DMKN: variants seen among roughly 807,000 people sequenced by gnomAD.
DMKN encodes the protein epidermis-specific secreted protein SK30/SK89.
Under a neutral mutation model 67.6 loss-of-function variants are expected in DMKN, and 58 were observed. The ratio of observed to expected loss-of-function variants is 0.86; its 90% CI spans 0.69 to 1.07. DMKN has a LOEUF of 1.07. DMKN is among the 50% of genes least tolerant of loss of function. DMKN has a pLI of 0.00. For synonymous variants in DMKN, 240 were observed against 232.3 expected, an observed-to-expected ratio of 1.03 and a Z score of -0.30; for missense variants, 596 against 601.5, an observed-to-expected ratio of 0.99 and a Z score of 0.10.
chr19:35,511,479 C>CCACTGCTGCT lies in DMKN; in HGVS notation c.849_850insAGCAGCAGTG (p.Gly284SerfsTer19), dbSNP rs776176602. On this transcript the variant is annotated frameshift_variant, in exon 5 of 16. Coordinates refer to ENST00000339686, the MANE Select transcript of DMKN (RefSeq NM_033317.5). LOFTEE classifies it high-confidence loss of function. The stretch of plus-strand genomic sequence containing the variant: ...TTGCCACTGCTGCCACCACTGCTGC[C>CCACTGCTGCT]GCCACTGCTGCCGCCACTGCTGCTG... The CCACTGCTGCT allele has an allele frequency of 0.057, 54,494 of 948,906 alleles. 2,563 individuals are homozygous for CCACTGCTGCT. Among genetic ancestry groups the CCACTGCTGCT allele is most frequent in the East Asian group, 0.31 (6,070 of 19,818 alleles). The allele number at this position is 948,906 out of a possible 1,614,324, so 58.8% of individuals were successfully genotyped here.
intron 3 of DMKN, 112 bp downstream of exon 3, chr19:35,512,308 CT>C (rs2070982395): frequency 2.8e-6 from 4 of 1,420,760 alleles, no homozygotes; most frequent in Non-Finnish European, 3.8e-6. Context: ...CCATCTCTTC[CT>C]CTCACCCCAA....
intron 9 of DMKN, among the ~76,000 whole-genome samples, chr19:35,504,302 T>C (rs935803085): frequency 6.6e-6 from 1 of 152,086 alleles, no homozygotes; most frequent in Non-Finnish European, 1.5e-5. Flanking sequence ...AGAGGCCAGA[T>C]GCAGTGACTC....
chr19:35,512,513 G>T, intron 2 of DMKN, 36 bp from the exon 3 acceptor site: 1 of 1,614,134 alleles, frequency 6.2e-7, no homozygotes, highest in South Asian at 1.1e-5. Flanking sequence ...AGGATCCAGA[G>T]GGACCAGGGA....
chr19:35,503,018 G>A, intron 9 of DMKN, 132 bp from the exon 10 acceptor site: 6 of 1,064,980 alleles, frequency 5.6e-6, no homozygotes, highest in Non-Finnish European at 8.1e-6. Flanking sequence ...GGAGCTGAGA[G>A]TCTTTAGGGA....
At chr19:35,502,478 T>A (rs1292063115) in intron 10 of DMKN, among the ~76,000 whole-genome samples, 2 of 151,814 alleles carry the variant, frequency 1.3e-5, no homozygotes, top group African/African-American at 4.8e-5. Context: ...GGCAGGTGGA[T>A]CACGAGGTCA....
intron 15 of DMKN, chr19:35,497,817 C>G (rs573826844): frequency 6.6e-6 from 1 of 152,664 alleles, no homozygotes; most frequent in African/African-American, 2.4e-5. Context: ...CTATCCCGGT[C>G]CCTGTGCTCC....
intron 13 of DMKN, 181 bp downstream of exon 13, chr19:35,499,777 C>T: frequency 3.3e-6 from 2 of 609,790 alleles, no homozygotes; most frequent in African/African-American, 1.9e-5. Flanking sequence ...TCCTGCCCTC[C>T]ACTTCCAAAC....
In DMKN at chr19:35,512,695, G is replaced by A. The variant is rs140114286; in HGVS notation, c.522C>T (p.His174=). The A allele has an allele frequency of 3.3e-5, 53 of 1,614,080 alleles. No homozygotes were observed. The highest frequency in any genetic ancestry group is 5.5e-5 in the South Asian group (5 of 91,086). ...NPGGLGTPWV[H]GYPGNSAGSF... The stretch of plus-strand genomic sequence containing the variant: ...TGCCTGCTGAGTTTCCGGGGTATCC[G>A]TGGACCCACGGAGTCCCCAGACCTC... The change falls in exon 2 of 16, where the codon CAC becomes CAT. Residue 174 remains histidine (H), a synonymous_variant. Transcript: ENST00000339686.
At chr19:35,500,223 T>C in intron 12 of DMKN, 194 bp from the exon 13 acceptor site, 1 of 1,240,768 alleles carries the variant, frequency 8.1e-7, no homozygotes. Context: ...GCCTTTACTG[T>C]CCTAGCCCAA....
At chr19:35,506,267 T>G in intron 7 of DMKN, 1 of 1,383,100 alleles carries the variant, frequency 7.2e-7, no homozygotes, top group Non-Finnish European at 9.6e-7. Flanking sequence ...CCCGGATTGC[T>G]TCATCCCCAC....
chr19:35,501,414 C>T (rs918644405), intron 11 of DMKN, among the ~76,000 whole-genome samples: 1 of 152,212 alleles, frequency 6.6e-6, no homozygotes, highest in Non-Finnish European at 1.5e-5. Flanking sequence ...CCTGGTTCTT[C>T]GTGAAACATC....
chr19:35,499,921 G>A lies in DMKN; in HGVS notation c.1359+37C>T, dbSNP rs542941258. The A allele has an allele frequency of 5.7e-4, 915 of 1,608,380 alleles. 10 individuals carry two copies. In the South Asian group the frequency reaches 8.9e-3, roughly 16 times the overall value. On this transcript the variant is annotated intron_variant, in intron 13 of 15. Coordinates refer to ENST00000339686, the MANE Select transcript of DMKN (RefSeq NM_033317.5). ...CCTCTCTCCCCATCCCTCATGCAGA[G>A]CCCCCAGCGGGAAGACAGGGTGGTT...
At chr19:35,506,344 G>T in intron 7 of DMKN, 1 of 709,978 alleles carries the variant, frequency 1.4e-6, no homozygotes. Context: ...GCACCAAAAA[G>T]TTCACTTGGG....
Position 35,513,096 on chromosome 19 carries a change from G to A in DMKN, c.380C>T (p.Ala127Val). 2 of 1,614,138 alleles carry A rather than the reference G, an allele frequency of 1.2e-6. No homozygotes were observed. The highest frequency in any genetic ancestry group is 1.7e-6 in the Non-Finnish European group (2 of 1,180,032). ...CACCCCCTGCCAGGAGCCGCGGACAGCATCTGCTCCGTGTCGAATGACATC... is the reference window on the plus strand; with the variant it reads ...CACCCCCTGCCAGGAGCCGCGGACAACATCTGCTCCGTGTCGAATGACATC... ...AEDVIRHGAD[A>V]VRGSWQGVPG... The change falls in exon 1 of 16, where the codon GCT (alanine) becomes GTT (valine). Residue 127 changes from alanine to valine, a missense_variant. Coordinates refer to ENST00000339686, the MANE Select transcript of DMKN (RefSeq NM_033317.5).
At position 35,505,922 on chromosome 19, in the gene DMKN, C is replaced by A. The variant is rs766299027; in HGVS notation, c.1086+17G>T. On this transcript the variant is annotated intron_variant, in intron 8 of 15. Coordinates refer to ENST00000339686, the MANE Select transcript of DMKN (RefSeq NM_033317.5). ...TTTTCCAAATGCGAGTGAACAGAGC[C>A]ATCTCGCAGAACTCACCTTCCAGAA... 1.2e-5 allele frequency: 20 copies of A among 1,614,168 alleles called. No individual in the cohort carries two copies. The African/African-American group carries it at 2.7e-4, about 22-fold the overall frequency.
At chr19:35,510,531 G>A (rs890453077) in intron 5 of DMKN, 24 of 1,539,694 alleles carry the variant, frequency 1.6e-5, no homozygotes, top group Non-Finnish European at 2.0e-5. Flanking sequence ...CTGGAGCCCG[G>A]CCGCGCAGTA....
chr19:35,512,170 G>A (rs1219523768), intron 3 of DMKN, among the ~76,000 whole-genome samples: 1 of 151,956 alleles, frequency 6.6e-6, no homozygotes, highest in Non-Finnish European at 1.5e-5. Context: ...GCTGATTTTT[G>A]TATTTTTAGT....
At chr19:35,503,004 G>T in intron 9 of DMKN, 118 bp from the exon 10 acceptor site, 1 of 1,210,000 alleles carries the variant, frequency 8.3e-7, no homozygotes, top group Non-Finnish European at 1.1e-6. Flanking sequence ...GGTTGGGGAT[G>T]GGAGGAGCTG....
chr19:35,501,047 A>G (rs2068264322), intron 11 of DMKN, among the ~76,000 whole-genome samples: 1 of 152,236 alleles, frequency 6.6e-6, no homozygotes, highest in South Asian at 2.1e-4. Flanking sequence ...TCTGGACCAC[A>G]GGAAGCAAAA....
Sources: gnomAD v4.1 joint callset for allele counts (sites outside exome capture counted in the v4.1 genomes callset) on GRCh38, gnomAD v4.1.1 for gene constraint, MANE v1.5 for transcripts, NCBI Gene and HGNC (gene_info 2026-07-23, HGNC 2026-07-21) for gene names.